Variants in LARP4B observed in about 807,000 individuals in gnomAD.
The protein encoded by LARP4B is la-related protein 4B.
LARP4B carries 12 observed loss-of-function variants against 89.8 expected under a neutral mutation model. The ratio of observed to expected loss-of-function variants is 0.13; its 90% CI spans 0.09 to 0.22. LARP4B has a LOEUF of 0.22. LARP4B is among the 10% of genes least tolerant of loss of function. The pLI, the probability that LARP4B is intolerant of heterozygous loss-of-function variation, is 1.00. For missense variants in LARP4B, 757 were observed against 947.7 expected (o/e 0.80, Z 2.64); for synonymous variants, 367 against 363.3 (o/e 1.01, Z -0.12).
chr10:820,535 C>A (rs1015323401), intron 14 of LARP4B: 1 of 438,430 alleles, frequency 2.3e-6, no homozygotes, highest in Non-Finnish European at 4.1e-6. Context: ...CATGCGACAG[C>A]AAGTTCCTGG....
intron 5 of LARP4B, among the ~76,000 whole-genome samples, chr10:863,480 C>T (rs556144785): frequency 2.2e-4 from 33 of 152,226 alleles, no homozygotes; most frequent in Non-Finnish European, 2.8e-4. Flanking sequence ...CTGCCCGCCT[C>T]GGCCTCCCGA....
At chr10:851,997 T>C (rs1438732625) in intron 5 of LARP4B, among the ~76,000 whole-genome samples, 1 of 151,820 alleles carries the variant, frequency 6.6e-6, no homozygotes, top group African/African-American at 2.4e-5. Flanking sequence ...GACCGGGAGG[T>C]TGGGACTGAG....
At chr10:919,879 C>G (rs1836932257) in intron 1 of LARP4B, among the ~76,000 whole-genome samples, 1 of 152,206 alleles carries the variant, frequency 6.6e-6, no homozygotes, top group Non-Finnish European at 1.5e-5. Flanking sequence ...GAACTGTAAG[C>G]TGCAGTCTGA....
At chr10:962,553 T>C in the LARP4B span, among the ~76,000 whole-genome samples, 1 of 152,168 alleles carries the variant, frequency 6.6e-6, no homozygotes, top group Non-Finnish European at 1.5e-5. Flanking sequence ...CCTCCTGTCA[T>C]GTGTGGGACA....
intron 1 of LARP4B, among the ~76,000 whole-genome samples, chr10:897,688 T>TA (rs1411438206): frequency 2.0e-5 from 3 of 151,996 alleles, no homozygotes; most frequent in Non-Finnish European, 4.4e-5. Flanking sequence ...TAACCCAACT[T>TA]AAAAATTGGC....
intron 3 of LARP4B, among the ~76,000 whole-genome samples, chr10:874,137 G>A (rs764890103): frequency 3.3e-5 from 5 of 152,168 alleles, no homozygotes; most frequent in South Asian, 4.1e-4. Context: ...GGAAGGCTGA[G>A]GCAGGAGAAT....
At chr10:951,450 C>T in the LARP4B span, among the ~76,000 whole-genome samples, 6 of 151,808 alleles carry the variant, frequency 4.0e-5, no homozygotes, top group East Asian at 1.2e-3. Flanking sequence ...GAGGCTGAGG[C>T]AACTAGAACC....
At chr10:940,747 G>A in the LARP4B span, among the ~76,000 whole-genome samples, 2 of 152,286 alleles carry the variant, frequency 1.3e-5, no homozygotes, top group Non-Finnish European at 2.9e-5. Context: ...GCGCAGGAGA[G>A]GTGTGAGCTA....
the LARP4B span, among the ~76,000 whole-genome samples, chr10:962,162 A>G: frequency 1.3e-5 from 2 of 151,926 alleles, no homozygotes; most frequent in African/African-American, 4.8e-5. Flanking sequence ...CAGGTGTGGT[A>G]GCTCATGCCT....
intron 1 of LARP4B, among the ~76,000 whole-genome samples, chr10:928,270 A>G (rs1837207638): frequency 6.6e-6 from 1 of 152,170 alleles, no homozygotes; most frequent in African/African-American, 2.4e-5. Context: ...CTAGGATAAA[A>G]ACAAATGAAA....
chr10:946,994 C>T, the LARP4B span, among the ~76,000 whole-genome samples: 34 of 152,080 alleles, frequency 2.2e-4, no homozygotes, highest in Middle Eastern at 3.2e-3. Flanking sequence ...CTTAACCTCC[C>T]GAGTAGCTGG....
rs200802734 is a variant in LARP4B, at chr10:885,678, G to A, written c.44C>T (p.Thr15Met). The change falls in exon 2 of 18, where the codon ACG becomes ATG. Residue 15 changes from threonine (T) to methionine (M), a missense_variant. Coordinates refer to ENST00000316157, the MANE Select transcript of LARP4B (RefSeq NM_015155.3). The part of the protein sequence containing the change: ...QDAKVVAEPQ[T>M]QRVQEGKDSA... ...GTCCTTGCCCTCCTGGACTCTCTGCGTCTGCGGTTCAGCCACAACCTTAGC... is the reference window on the plus strand; with the variant it reads ...GTCCTTGCCCTCCTGGACTCTCTGCATCTGCGGTTCAGCCACAACCTTAGC... 2.5e-5 allele frequency: 40 copies of A among 1,613,946 alleles called. No individual in the cohort carries two copies. Among genetic ancestry groups the A allele is most frequent in the African/African-American group, 8.0e-5 (6 of 74,898 alleles).
At chr10:818,036 C>T in intron 14 of LARP4B, 147 bp from the exon 15 acceptor site, 1 of 728,160 alleles carries the variant, frequency 1.4e-6, no homozygotes, top group South Asian at 1.9e-5. Context: ...GAAGGTTCTC[C>T]CAAGCAACTT....
At chr10:942,930 A>C in the LARP4B span, among the ~76,000 whole-genome samples, 1 of 149,936 alleles carries the variant, frequency 6.7e-6, no homozygotes, top group African/African-American at 2.5e-5. Flanking sequence ...AGATGATCAC[A>C]GTCCAAGCTG....
At position 814,063 on chromosome 10, in the gene LARP4B, A is replaced by T. The variant is rs979587883; in HGVS notation, c.1929+679T>A. Among the ~76,000 whole-genome samples, 3 of 152,030 alleles carry T rather than the reference A, an allele frequency of 2.0e-5. No homozygotes were observed. Among genetic ancestry groups the T allele is most frequent in the African/African-American group, 7.2e-5 (3 of 41,394 alleles). ...TGATCTGCCTACCTCGGCCTCCCAA[A>T]GTGCTGGGATTACAGGCGTGAGCCA... is the stretch of plus-strand genomic sequence containing the variant. On this transcript the variant is annotated intron_variant, in intron 17 of 17. Coordinates refer to ENST00000316157, the MANE Select transcript of LARP4B (RefSeq NM_015155.3). This position sits in a 1 kb window ranked among gnomAD's most constrained non-coding sequence, Gnocchi z 4.4.
chr10:851,888 A>G (rs1447325226), intron 5 of LARP4B, among the ~76,000 whole-genome samples: 1 of 152,114 alleles, frequency 6.6e-6, no homozygotes, highest in African/African-American at 2.4e-5. Flanking sequence ...TAACATGGTG[A>G]AACTCCATCT....
chr10:889,747 C>A (rs1380604449), intron 1 of LARP4B, among the ~76,000 whole-genome samples: 7 of 152,138 alleles, frequency 4.6e-5, no homozygotes, highest in Non-Finnish European at 8.8e-5. Context: ...GTCAGGAGTT[C>A]AAGACCAGAC....
At chr10:939,859 T>C in the LARP4B span, among the ~76,000 whole-genome samples, 2 of 152,188 alleles carry the variant, frequency 1.3e-5, no homozygotes, top group African/African-American at 4.8e-5. Flanking sequence ...TTTTATTTAT[T>C]TTGAGACAGA....
At chr10:852,097 A>G (rs1834084492) in intron 5 of LARP4B, among the ~76,000 whole-genome samples, 1 of 151,968 alleles carries the variant, frequency 6.6e-6, no homozygotes, top group Non-Finnish European at 1.5e-5. Context: ...TAAGTAAGAA[A>G]GGAAAGAAGA....
Sources: gnomAD v4.1 joint callset for allele counts (sites outside exome capture counted in the v4.1 genomes callset) on GRCh38, gnomAD v4.1.1 for gene constraint, Gnocchi (gnomAD v3.1) non-coding constraint, MANE v1.5 for transcripts, NCBI Gene and HGNC (gene_info 2026-07-23, HGNC 2026-07-21) for gene names.